The following AKAP8 variants were observed in gnomAD, a reference collection of about 807,000 sequenced individuals.
AKAP8 encodes A-kinase anchor protein 8.
A neutral mutation model predicts 67.5 loss-of-function variants in AKAP8; 24 were observed. The observed-to-expected ratio is 0.36, with a 90% confidence interval of 0.26 to 0.50. AKAP8 has a LOEUF of 0.50. Among genes scored for constraint, AKAP8 ranks in the 20% least tolerant of loss-of-function variants. The pLI, the probability that AKAP8 is intolerant of heterozygous loss-of-function variation, is 0.97. For missense variants in AKAP8, 971 were observed against 955.9 expected (o/e 1.02, Z -0.21); for synonymous variants, 400 against 371.1 (o/e 1.08, Z -0.90).
At chr19:15,355,736 C>G (rs1380170369) in intron 13 of AKAP8, among the ~76,000 whole-genome samples, 1 of 151,066 alleles carries the variant, frequency 6.6e-6, no homozygotes, top group Non-Finnish European at 1.5e-5. Flanking sequence ...CCGGCCCATT[C>G]TGCAATTTTT....
chr19:15,365,144 C>T (rs140121095), intron 9 of AKAP8, among the ~76,000 whole-genome samples: 1 of 152,260 alleles, frequency 6.6e-6, no homozygotes, highest in Non-Finnish European at 1.5e-5. Flanking sequence ...TAGGCTCTGG[C>T]TGGCAGCTCT....
intron 10 of AKAP8, 88 bp from the exon 11 acceptor site, chr19:15,361,910 T>C: frequency 1.4e-6 from 2 of 1,404,082 alleles, no homozygotes; most frequent in Non-Finnish European, 2.0e-6. Context: ...CAGGCAGCTA[T>C]CAGAGCAGCT....
At chr19:15,370,625 CTTTTTT>C (rs71176407) in intron 7 of AKAP8, among the ~76,000 whole-genome samples, 16 of 80,960 alleles carry the variant, frequency 2.0e-4, no homozygotes, top group South Asian at 1.1e-3. Context: ...TACCCAATGT[CTTTTTT>C]TTTTTTTTTT....
At chr19:15,373,733 C>T (rs1967202844) in intron 4 of AKAP8, 53 bp downstream of exon 4, 1 of 1,552,424 alleles carries the variant, frequency 6.4e-7, no homozygotes, top group Non-Finnish European at 8.7e-7. Flanking sequence ...CTCCCATGCG[C>T]ACAAAGGTGG....
intron 3 of AKAP8, 44 bp from the exon 4 acceptor site, chr19:15,374,109 G>A (rs1967210849): frequency 2.0e-6 from 3 of 1,522,862 alleles, no homozygotes; most frequent in Middle Eastern, 1.8e-4. Flanking sequence ...GCAGCCACGA[G>A]GCCTGTCCAT....
rs2048268385 is a variant in AKAP8 at position 15,355,071 on chromosome 19, C to A, written c.1923G>T (p.Lys641Asn). Residue 641 changes from lysine (K) to asparagine (N), a missense_variant, in exon 14 of 14, where the codon AAG (lysine) becomes AAT (asparagine). Coordinates refer to ENST00000269701, the MANE Select transcript of AKAP8 (RefSeq NM_005858.4). ...CAGCCTCTGCAGCCTCACTTCTGGC[C>A]TTGGGGACGCCCTTCTCATGTGCCG... ...CGTAHEKGVP[K>N]ARSEAAEAGN... is the part of the protein sequence containing the mutation. The A allele has an allele frequency of 5.0e-6, 8 of 1,614,092 alleles. No individual in the cohort carries two copies. Among genetic ancestry groups the A allele is most frequent in the Non-Finnish European group, 6.8e-6 (8 of 1,180,048 alleles).
intron 13 of AKAP8, among the ~76,000 whole-genome samples, chr19:15,357,082 C>A (rs984906832): frequency 1.3e-5 from 2 of 152,058 alleles, no homozygotes; most frequent in African/African-American, 4.8e-5. Context: ...CTCAGCCTCC[C>A]AAGTAGCTGG....
chr19:15,379,383 T>C (rs1967327049), intron 1 of AKAP8: 3 of 336,396 alleles, frequency 8.9e-6, no homozygotes, highest in Non-Finnish European at 5.4e-6. Flanking sequence ...CCGGGGTCGC[T>C]GGGGGCCGGA....
chr19:15,362,322 C>G, intron 9 of AKAP8, 71 bp from the exon 10 acceptor site: 1 of 1,549,416 alleles, frequency 6.5e-7, no homozygotes, highest in Non-Finnish European at 8.8e-7. Flanking sequence ...CATCAGCTCA[C>G]CTCTGAGGAG....
intron 8 of AKAP8, chr19:15,368,684 C>G (rs577510021): frequency 2.0e-6 from 2 of 985,294 alleles, no homozygotes; most frequent in South Asian, 4.7e-5. Context: ...ACAGGAGAAG[C>G]CAATTCTCCC....
chr19:15,375,519 T>A (rs1029845487), intron 2 of AKAP8, among the ~76,000 whole-genome samples: 1 of 152,162 alleles, frequency 6.6e-6, no homozygotes, highest in African/African-American at 2.4e-5. Context: ...ACTTACACAC[T>A]GGATCAAAAC....
rs201218309 is a variant in AKAP8, at chr19:15,373,180, G to T, written c.532C>A (p.Arg178=). 1 of 1,613,640 alleles carries T rather than the reference G, an allele frequency of 6.2e-7. No individual in the cohort carries two copies. The highest frequency in any genetic ancestry group is 1.6e-4 in the Middle Eastern group (1 of 6,062). Residue 178 remains arginine, a synonymous_variant, in exon 5 of 14, where the codon CGG becomes AGG. Transcript: ENST00000269701. ...GQYSECRDPA[R]ERGSLDGFMR... ...AAGCCATCAAGGGAGCCCCGCTCCC[G>T]GGCTGGGTCTCGGCATTCACTGTAC...
intron 9 of AKAP8, among the ~76,000 whole-genome samples, chr19:15,367,507 G>C (rs992077092): frequency 2.0e-5 from 3 of 152,136 alleles, no homozygotes; most frequent in Admixed American, 1.3e-4. Context: ...CAGCCTGGGC[G>C]ACAGAGCAAG....
At chr19:15,373,633 T>C (rs968871623) in intron 4 of AKAP8, 153 bp downstream of exon 4, 7 of 1,047,890 alleles carry the variant, frequency 6.7e-6, no homozygotes, top group Non-Finnish European at 8.0e-6. Flanking sequence ...AGTCCTACTG[T>C]AACATCACTG....
intron 4 of AKAP8, 109 bp from the exon 5 acceptor site, chr19:15,373,449 C>A: frequency 7.0e-7 from 1 of 1,438,820 alleles, no homozygotes; most frequent in Non-Finnish European, 9.2e-7. Flanking sequence ...ACCAAACCAC[C>A]CTGCATCCCA....
rs371809673 is a variant in AKAP8 at position 15,377,868 on chromosome 19, C to CA, written c.20-855dup. 1.8e-3 allele frequency among the ~76,000 whole-genome samples: 269 copies of CA among 152,288 alleles called. 2 individuals carry two copies. The South Asian group carries it at 0.042, about 24-fold the overall frequency. On this transcript the variant is annotated intron_variant, in intron 1 of 13. Coordinates refer to ENST00000269701, the MANE Select transcript of AKAP8 (RefSeq NM_005858.4). ...TCAGACAGCACTCTTCACCCCTCCA[C>CA]ACCCCCCGCCCACTATGGCATCTGT...
Position 15,378,775 on chromosome 19 carries a change from C to G in AKAP8, c.19+938G>C, listed in dbSNP as rs368921516. 1.1e-4 allele frequency among the ~76,000 whole-genome samples: 16 copies of G among 152,338 alleles called. No individual in the cohort carries two copies. The South Asian group carries it at 3.3e-3, about 32-fold the overall frequency. ...GCTCCACCCAGCATGTCCCAACTAT[C>G]CCCTGTGGGCAAACTTTGCTCCCAA... is the stretch of plus-strand genomic sequence containing the variant. On this transcript the variant is annotated intron_variant, in intron 1 of 13. Coordinates refer to ENST00000269701, the MANE Select transcript of AKAP8 (RefSeq NM_005858.4).
chr19:15,371,219 A>T (rs1224762971), intron 7 of AKAP8, among the ~76,000 whole-genome samples: 1 of 150,470 alleles, frequency 6.6e-6, no homozygotes, highest in East Asian at 2.0e-4. Flanking sequence ...CTTGGATCAG[A>T]ATCTACACTG....
intron 5 of AKAP8, 63 bp downstream of exon 5, chr19:15,372,788 A>G: frequency 6.9e-7 from 1 of 1,454,832 alleles, no homozygotes; most frequent in Non-Finnish European, 9.0e-7. Flanking sequence ...GGGAAATTTT[A>G]CCTCAATAAA....
Sources: allele counts gnomAD v4.1 joint callset (sites outside exome capture counted in the v4.1 genomes callset), GRCh38; gene constraint gnomAD v4.1.1; transcripts MANE v1.5; gene names NCBI Gene and HGNC (gene_info 2026-07-23, HGNC 2026-07-21).